Variants in ANAPC2 observed in about 807,000 individuals in gnomAD.
ANAPC2 encodes anaphase-promoting complex subunit 2.
Under a neutral mutation model 84.3 loss-of-function variants are expected in ANAPC2, and 29 were observed. The ratio of observed to expected loss-of-function variants is 0.34; its 90% CI spans 0.26 to 0.47. The LOEUF is 0.47. Ranked by LOEUF, ANAPC2 falls within the 20% of genes least tolerant of loss-of-function variation. ANAPC2 has a pLI of 1.00. For missense variants in ANAPC2, 857 were observed against 1,131.7 expected, an observed-to-expected ratio of 0.76 and a Z score of 3.48; for synonymous variants, 571 against 479.4, an observed-to-expected ratio of 1.19 and a Z score of -2.50.
At chr9:137,188,264 G>GAACGA (rs1834523429) in intron 1 of ANAPC2, 152 bp downstream of exon 1, 3 of 1,291,980 alleles carry the variant, frequency 2.3e-6, no homozygotes, top group African/African-American at 1.5e-5. Context: ...CAGCGGAGCT[G>GAACGA]AACGAAACGA....
At position 137,186,260 on chromosome 9, in the gene ANAPC2, G is replaced by C; in HGVS notation, c.837C>G (p.Gly279=). The C allele has an allele frequency of 2.5e-6, 4 of 1,612,462 alleles. No individual in the cohort carries two copies. Among genetic ancestry groups the C allele is most frequent in the Non-Finnish European group, 2.5e-6 (3 of 1,179,982 alleles). The change falls in exon 3 of 13, where the codon GGC becomes GGG. Residue 279 remains glycine (G), a synonymous_variant. Transcript: ENST00000323927. ...TRERMEDRCR[G]EYERSFLREF... Reference sequence around the variant, plus strand: ...CACGCAGGAAGGAGCGCTCGTACTCGCCCCGGCAACGGTCCTCCATCCTCT... The same window carrying C: ...CACGCAGGAAGGAGCGCTCGTACTCCCCCCGGCAACGGTCCTCCATCCTCT...
chr9:137,183,071 G>C, intron 6 of ANAPC2, 54 bp downstream of exon 6: 1 of 1,450,160 alleles, frequency 6.9e-7, no homozygotes, highest in Admixed American at 1.7e-5. Context: ...ACCACGAGGA[G>C]CTCAGCAGGA....
rs1834515848 is a variant in ANAPC2, at chr9:137,188,030, C to T, written c.191G>A (p.Gly64Asp). The T allele has an allele frequency of 1.2e-6, 2 of 1,613,750 alleles. No individual in the cohort carries two copies. The highest frequency in any genetic ancestry group is 1.7e-6 in the Non-Finnish European group (2 of 1,180,010). Residue 64 changes from glycine to aspartate, a missense_variant, in exon 2 of 13, where the codon GGC (glycine) becomes GAC (aspartate). Around this residue, in one of 3 missense-constraint regions of ANAPC2, gnomAD observed 428 missense variants for 513.8 expected, o/e 0.83. Coordinates refer to ENST00000323927, the MANE Select transcript of ANAPC2 (RefSeq NM_013366.4). ...ELRAAVEVLR[G>D]HGLHSVLEEW... is the part of the protein sequence containing the mutation. ...CTCCAGGACCGAGTGTAGCCCGTGG[C>T]CCCTCAGAACCTCCACCGCCGCCCG... is the stretch of plus-strand genomic sequence containing the variant.
At position 137,188,527 on chromosome 9, in the gene ANAPC2, C is replaced by A. The variant is rs752551945; in HGVS notation, c.6G>T (p.Ala2=). The change falls in exon 1 of 13, where the codon GCG becomes GCT. Residue 2 remains alanine (A), a synonymous_variant. Transcript: ENST00000323927. The part of the protein sequence containing the change: M[A]AAVVVAEGDS... ...CCCCCTCCGCCACCACAACTGCCGC[C>A]GCCATCTGCACCCACCGACTCCGAG... The A allele has an allele frequency of 5.2e-5, 83 of 1,607,992 alleles. No individual in the cohort carries two copies. The highest frequency in any genetic ancestry group is 6.7e-5 in the Non-Finnish European group (79 of 1,179,074).
chr9:137,182,018 C>T (rs1282570886), intron 6 of ANAPC2, among the ~76,000 whole-genome samples, 156 bp from the exon 7 acceptor site: 1 of 152,182 alleles, frequency 6.6e-6, no homozygotes, highest in African/African-American at 2.4e-5. Flanking sequence ...GCCCGTCAGA[C>T]TCCTTAAAAA....
chr9:137,187,321 T>G (rs1420999351), intron 2 of ANAPC2, 160 bp downstream of exon 2: 1 of 894,776 alleles, frequency 1.1e-6, no homozygotes. Flanking sequence ...GAGACACCTG[T>G]GTCCAGGACA....
At chr9:137,178,815 C>T (rs555272558) in intron 10 of ANAPC2, among the ~76,000 whole-genome samples, 65 of 152,190 alleles carry the variant, frequency 4.3e-4, no homozygotes, top group Non-Finnish European at 8.8e-4. Flanking sequence ...GTCAGCAGCC[C>T]GGCCCTACCA....
rs540254458 is a variant in ANAPC2, at chr9:137,183,795, CAAG to C, written c.1049-7_1049-5del. 320 of 1,612,878 alleles carry C rather than the reference CAAG, an allele frequency of 2.0e-4. 2 individuals carry two copies. The highest frequency in any genetic ancestry group is 3.3e-4 in the Middle Eastern group (2 of 6,060). The stretch of plus-strand genomic sequence containing the variant: ...GCTGGCCGGGAGTCTGGGAAGTCTA[CAAG>C]AAGAAGAACATCCCTCAGGGACAGA... On this transcript the variant is annotated splice_region_variant and splice_polypyrimidine_tract_variant and intron_variant, in intron 4 of 12. Transcript: ENST00000323927.
intron 11 of ANAPC2, 82 bp downstream of exon 11, chr9:137,175,626 C>T: frequency 1.3e-6 from 2 of 1,535,986 alleles, no homozygotes; most frequent in Non-Finnish European, 1.8e-6. Flanking sequence ...TGCCCCAAAC[C>T]ACACCCTCAC....
chr9:137,178,080 C>T (rs1434178723), intron 10 of ANAPC2, among the ~76,000 whole-genome samples: 1 of 152,232 alleles, frequency 6.6e-6, no homozygotes, highest in Admixed American at 6.5e-5. Context: ...GCTCTGTGGG[C>T]CAAGGGCTCC....
At position 137,185,024 on chromosome 9, in the gene ANAPC2, C is replaced by G; in HGVS notation, c.937G>C (p.Ala313Pro). Reference sequence around the variant, plus strand: ...AGGGTGTTGCCGGCCTCGGGAGATGCGGGCCTGGCGGGGCCGTCCTGCAGG... The same window carrying G: ...AGGGTGTTGCCGGCCTCGGGAGATGGGGGCCTGGCGGGGCCGTCCTGCAGG... ...VFLQDGPARPASPEAGNTLRR... is the reference protein window; with the variant it reads ...VFLQDGPARPPSPEAGNTLRR... Residue 313 changes from alanine (A) to proline (P), a missense_variant, in exon 4 of 13, where the codon GCA becomes CCA. Ala to Pro is a conservative substitution (Grantham distance 27). Around this residue, in one of 3 missense-constraint regions of ANAPC2, gnomAD observed 428 missense variants for 513.8 expected, o/e 0.83. Coordinates refer to ENST00000323927, the MANE Select transcript of ANAPC2 (RefSeq NM_013366.4). 1 of 1,591,782 alleles carries G rather than the reference C, an allele frequency of 6.3e-7. No individual in the cohort carries two copies. The highest frequency in any genetic ancestry group is 8.5e-7 in the Non-Finnish European group (1 of 1,170,892).
rs1441205754 is a variant in ANAPC2, at chr9:137,180,474, T to C, written c.1664A>G (p.His555Arg). ...LKLRFGEAPM[H>R]FCEVMLKDMA... is the part of the protein sequence containing the mutation. The stretch of plus-strand genomic sequence containing the variant: ...CACCTTCAGCATGACTTCACAGAAG[T>C]GCATTGGGGCCTCGCCAAAGCGCAG... The change falls in exon 9 of 13, where the codon CAC becomes CGC. Residue 555 changes from histidine to arginine, a missense_variant. Transcript: ENST00000323927. 7 of 1,612,836 alleles carry C rather than the reference T, an allele frequency of 4.3e-6. No individual in the cohort carries two copies. Among genetic ancestry groups the C allele is most frequent in the Non-Finnish European group, 5.9e-6 (7 of 1,179,934 alleles).
In ANAPC2 at chr9:137,174,910, C is replaced by CCGGG; in HGVS notation, c.*31_*32insCCCG. The CCGGG allele has an allele frequency of 1.2e-6, 1 of 804,998 alleles. No homozygotes were observed. The highest frequency in any genetic ancestry group is 1.8e-6 in the Non-Finnish European group (1 of 571,144). 49.9% of individuals were successfully genotyped at this position (804,998 alleles called of 1,614,324 possible). A position where few individuals can be genotyped will look rare whatever the true frequency, so the allele number is the denominator to read the frequency against. On this transcript the variant is annotated 3_prime_UTR_variant, in exon 13 of 13. Transcript: ENST00000323927. This position sits in a 1 kb window ranked among gnomAD's most constrained non-coding sequence, Gnocchi z 6.1. ...GGACGAGAGCACCTGCAGGGCAGCG[C>CCGGG]CTGGCGGGCGGGCGGGCGGGCGGGC...
intron 10 of ANAPC2, 28 bp downstream of exon 10, chr9:137,180,153 C>T: frequency 6.2e-7 from 1 of 1,607,068 alleles, no homozygotes; most frequent in Non-Finnish European, 8.5e-7. Context: ...GTGCCAAGAG[C>T]CCATGGGGTG....
intron 2 of ANAPC2, 103 bp from the exon 3 acceptor site, chr9:137,186,459 C>T (rs1181073440): frequency 1.4e-5 from 12 of 832,936 alleles, no homozygotes; most frequent in Middle Eastern, 4.6e-4. Context: ...GTGCATGCAG[C>T]ACACACACAC....
intron 10 of ANAPC2, chr9:137,176,677 T>A (rs1374970108): frequency 6.6e-6 from 1 of 152,264 alleles, no homozygotes; most frequent in Admixed American, 6.5e-5. Context: ...TCGGCAGCAA[T>A]GCCGACCCAA....
chr9:137,175,203 G>T, intron 12 of ANAPC2, 34 bp downstream of exon 12: 1 of 1,605,076 alleles, frequency 6.2e-7, no homozygotes. Context: ...CCTCGCCCCC[G>T]CCCCCTGGCC....
In ANAPC2 at chr9:137,180,211, C is replaced by T. The variant is rs539897572; in HGVS notation, c.1860G>A (p.Glu620=). 1.2e-5 allele frequency: 19 copies of T among 1,613,768 alleles called. No homozygotes were observed. The African/African-American group carries it at 1.5e-4, about 12-fold the overall frequency. ...EVPEDIRAAL[E]AYCKKYEQLK... Reference sequence around the variant, plus strand: ...GCTGCTCATACTTCTTGCAGTAAGCCTCCAGGGCTGCCCTGATATCCTCGG... The same window carrying T: ...GCTGCTCATACTTCTTGCAGTAAGCTTCCAGGGCTGCCCTGATATCCTCGG... The change falls in exon 10 of 13, where the codon GAG becomes GAA. Residue 620 remains glutamate, a synonymous_variant. Coordinates refer to ENST00000323927, the MANE Select transcript of ANAPC2 (RefSeq NM_013366.4).
intron 10 of ANAPC2, among the ~76,000 whole-genome samples, 174 bp downstream of exon 10, chr9:137,180,007 C>T (rs1455587677): frequency 2.0e-5 from 3 of 152,348 alleles, no homozygotes; most frequent in Non-Finnish European, 4.4e-5. Context: ...GGGAGGAAGG[C>T]GGAGAGAGCG....
Sources: gnomAD v4.1 joint callset for allele counts (sites outside exome capture counted in the v4.1 genomes callset) on GRCh38, gnomAD v4.1.1 for gene constraint, gnomAD v4.1.1 regional missense constraint, Gnocchi (gnomAD v3.1) non-coding constraint, MANE v1.5 for transcripts, NCBI Gene and HGNC (gene_info 2026-07-23, HGNC 2026-07-21) for gene names.